Variants in LRRC3B observed in about 807,000 individuals in gnomAD.
LRRC3B encodes the protein leucine-rich repeat-containing protein 3B.
In LRRC3B, 2 loss-of-function variants were observed where a neutral mutation model predicts 12.8. The ratio of observed to expected loss-of-function variants is 0.16; its 90% CI spans 0.06 to 0.49. The LOEUF is 0.49. Among genes scored for constraint, LRRC3B ranks in the 20% least tolerant of loss-of-function variants. The pLI, the probability that LRRC3B is intolerant of heterozygous loss-of-function variation, is 0.96. For synonymous variants in LRRC3B, 132 were observed against 122.0 expected (o/e 1.08, Z -0.54); for missense variants, 189 against 319.4 (o/e 0.59, Z 3.11).
At chr3:26,672,255 A>G (rs1034130124) in intron 1 of LRRC3B, among the ~76,000 whole-genome samples, 2 of 152,196 alleles carry the variant, frequency 1.3e-5, no homozygotes, top group Non-Finnish European at 2.9e-5. Context: ...TAGAAATCAC[A>G]GTCAGTACTT....
intron 1 of LRRC3B, among the ~76,000 whole-genome samples, chr3:26,668,951 T>C (rs1368595831): frequency 6.6e-6 from 1 of 152,214 alleles, no homozygotes; most frequent in Non-Finnish European, 1.5e-5. Flanking sequence ...TGGGGAGCTA[T>C]GGATTGCTTA....
intron 1 of LRRC3B, among the ~76,000 whole-genome samples, chr3:26,701,946 A>C (rs2125459694): frequency 6.6e-6 from 1 of 152,320 alleles, no homozygotes; most frequent in Admixed American, 6.5e-5. Context: ...TTTCAGTTTT[A>C]CCATCCTGCT....
Sources: allele counts gnomAD v4.1 joint callset (sites outside exome capture counted in the v4.1 genomes callset), GRCh38; gene constraint gnomAD v4.1.1; transcripts MANE v1.5; gene names NCBI Gene and HGNC (gene_info 2026-07-23, HGNC 2026-07-21).